KAZN: variants seen among roughly 807,000 people sequenced by gnomAD.
KAZN encodes the protein kazrin.
A neutral mutation model predicts 87.4 loss-of-function variants in KAZN; 40 were observed. The observed-to-expected ratio is 0.46, with a 90% confidence interval of 0.36 to 0.60. The LOEUF (loss-of-function observed/expected upper bound fraction) is 0.60, where lower values mean the gene tolerates loss of function less well. Among genes scored for constraint, KAZN ranks in the 20% least tolerant of loss-of-function variants. The pLI is 0.00. For missense variants in KAZN, 898 were observed against 1,073.9 expected (o/e 0.84, Z 2.29); for synonymous variants, 466 against 458.3 (o/e 1.02, Z -0.22).
intron 1 of KAZN, among the ~76,000 whole-genome samples, chr1:14,758,714 G>A (rs1216796936): frequency 6.6e-6 from 1 of 152,140 alleles, no homozygotes; most frequent in African/African-American, 2.4e-5. Context: ...TGTGCTTTTT[G>A]ACCTCTCTGC....
chr1:14,420,374 G>A (rs373547131), intron 2 of KAZN, among the ~76,000 whole-genome samples: 13 of 152,320 alleles, frequency 8.5e-5, no homozygotes, highest in African/African-American at 1.4e-4. Context: ...TGAGCTAGGC[G>A]TAAATAAATT....
chr1:14,160,195 A>G (rs1645680436), intron 1 of KAZN, among the ~76,000 whole-genome samples: 1 of 152,320 alleles, frequency 6.6e-6, no homozygotes, highest in South Asian at 2.1e-4. Flanking sequence ...TTAAGGCCCC[A>G]CAGCACTTTA....
chr1:14,987,551 A>C lies in KAZN; in HGVS notation c.418+26676A>C, dbSNP rs1255970989. ...AGCCTTTTATCCAAGACTGAAGGGAAGGAGGCCCCCGGAGCTCAGGGGAGG... is the reference window on the plus strand; with the variant it reads ...AGCCTTTTATCCAAGACTGAAGGGACGGAGGCCCCCGGAGCTCAGGGGAGG... On this transcript the variant is annotated intron_variant, in intron 2 of 14. Coordinates refer to ENST00000376030, the MANE Select transcript of KAZN (RefSeq NM_201628.3). Among the ~76,000 whole-genome samples, 5 of 152,108 alleles carry C rather than the reference A, an allele frequency of 3.3e-5. No individual in the cohort carries two copies. In the East Asian group the frequency reaches 9.6e-4, roughly 29 times the overall value.
chr1:13,993,032 T>G (rs956275538), intron 1 of KAZN, among the ~76,000 whole-genome samples: 9 of 152,196 alleles, frequency 5.9e-5, no homozygotes, highest in Non-Finnish European at 1.5e-5. Context: ...CTTCTTGCTG[T>G]GCCCCTTTGC....
chr1:14,408,868 T>C (rs1223147796), intron 2 of KAZN, among the ~76,000 whole-genome samples: 1 of 151,652 alleles, frequency 6.6e-6, no homozygotes, highest in African/African-American at 2.4e-5. Context: ...TTGTGATCAA[T>C]TCCATGAAAG....
At chr1:14,464,626 C>T (rs1668020684) in intron 2 of KAZN, among the ~76,000 whole-genome samples, 1 of 151,984 alleles carries the variant, frequency 6.6e-6, no homozygotes, top group South Asian at 2.1e-4. Flanking sequence ...GCAACCTCCA[C>T]CTCCTGGGCT....
intron 1 of KAZN, among the ~76,000 whole-genome samples, chr1:14,172,389 G>C (rs1645972432): frequency 6.6e-6 from 1 of 152,142 alleles, no homozygotes. Context: ...TCATTTATTT[G>C]TTCTTTTTTT....
intron 2 of KAZN, among the ~76,000 whole-genome samples, chr1:14,234,644 G>GTGCAA (rs1648228425): frequency 6.6e-6 from 1 of 152,130 alleles, no homozygotes; most frequent in African/African-American, 2.4e-5. Context: ...CAAGGTGTGG[G>GTGCAA]GGTGGTGGAG....
At chr1:14,271,537 A>G (rs952166728) in intron 2 of KAZN, among the ~76,000 whole-genome samples, 8 of 152,160 alleles carry the variant, frequency 5.3e-5, no homozygotes, top group Non-Finnish European at 7.3e-5. Context: ...CTCTATTTCT[A>G]TTTCTCAGGA....
intron 1 of KAZN, among the ~76,000 whole-genome samples, chr1:13,915,547 C>T (rs1221983120): frequency 6.6e-6 from 1 of 152,206 alleles, no homozygotes; most frequent in Non-Finnish European, 1.5e-5. Context: ...TTTCCTCCTC[C>T]TTCTCTGTCC....
intron 1 of KAZN, among the ~76,000 whole-genome samples, chr1:14,054,752 A>G (rs1249366729): frequency 6.6e-6 from 1 of 152,192 alleles, no homozygotes; most frequent in Non-Finnish European, 1.5e-5. Context: ...TGGTCTGTTC[A>G]TTTATTTTAC....
At chr1:14,236,342 G>A (rs755012601) in intron 2 of KAZN, among the ~76,000 whole-genome samples, 6 of 152,146 alleles carry the variant, frequency 3.9e-5, no homozygotes, top group East Asian at 1.9e-4. Flanking sequence ...GGAGGGTTTC[G>A]CCCCTCTTCC....
chr1:14,917,836 G>A (rs1020126116), intron 1 of KAZN, among the ~76,000 whole-genome samples: 3 of 146,346 alleles, frequency 2.0e-5, no homozygotes, highest in African/African-American at 5.0e-5. Flanking sequence ...AGATCTAAAT[G>A]TACTTCTTTC....
chr1:13,949,599 T>C (rs545290570), intron 1 of KAZN, among the ~76,000 whole-genome samples: 10 of 152,308 alleles, frequency 6.6e-5, no homozygotes, highest in South Asian at 2.1e-4. Flanking sequence ...CAGCTCACAC[T>C]TTACTGAGCC....
chr1:14,382,268 A>G (rs925856291), intron 2 of KAZN, among the ~76,000 whole-genome samples: 16 of 152,222 alleles, frequency 1.1e-4, no homozygotes, highest in African/African-American at 2.9e-4. Flanking sequence ...TGCAGTCCCT[A>G]TCAAAATAAC....
intron 2 of KAZN, among the ~76,000 whole-genome samples, chr1:14,352,714 A>AT (rs1318136932): frequency 4.6e-5 from 7 of 152,324 alleles, no homozygotes; most frequent in African/African-American, 1.7e-4. Context: ...AAGCTTACAA[A>AT]TACCTTTTCA....
At chr1:13,967,794 G>C (rs1038742429) in intron 1 of KAZN, among the ~76,000 whole-genome samples, 3 of 152,180 alleles carry the variant, frequency 2.0e-5, no homozygotes, top group Admixed American at 1.3e-4. Flanking sequence ...AGACCAGAGC[G>C]GGGCTTCACT....
chr1:14,466,812 CA>C (rs377325026), intron 2 of KAZN, among the ~76,000 whole-genome samples: 10,661 of 152,014 alleles, frequency 0.07, 424 homozygotes, highest in East Asian at 0.15. Flanking sequence ...ACTAAAAATA[CA>C]AAAAAATTAG....
chr1:14,504,895 T>C (rs1670468879), intron 2 of KAZN, among the ~76,000 whole-genome samples: 1 of 152,184 alleles, frequency 6.6e-6, no homozygotes, highest in Admixed American at 6.5e-5. Flanking sequence ...TTGCAAGTGA[T>C]AGAACATGAC....
Sources: gnomAD v4.1 joint callset for allele counts (sites outside exome capture counted in the v4.1 genomes callset) on GRCh38, gnomAD v4.1.1 for gene constraint, MANE v1.5 for transcripts, NCBI Gene and HGNC (gene_info 2026-07-23, HGNC 2026-07-21) for gene names.